The following TMEM272 variants were observed in gnomAD, a reference collection of about 807,000 sequenced individuals.
TMEM272 encodes transmembrane protein 272.
TMEM272 carries 8 observed loss-of-function variants against 3.7 expected under a neutral mutation model. That is an observed-to-expected ratio of 2.17 (90% CI 1.27 to 3.91). The LOEUF (loss-of-function observed/expected upper bound fraction) is 3.91, where lower values mean the gene tolerates loss of function less well. TMEM272 is among the 30% of genes most tolerant of loss of function. The pLI is 0.00. For synonymous variants in TMEM272, 63 were observed against 39.8 expected (o/e 1.58, Z -2.20); for missense variants, 166 against 91.5 (o/e 1.81, Z -3.32).
At chr13:51,864,311 C>T in the TMEM272 span, among the ~76,000 whole-genome samples, 1 of 152,158 alleles carries the variant, frequency 6.6e-6, no homozygotes, top group African/African-American at 2.4e-5. Flanking sequence ...CAAGTACTCA[C>T]CTAATCACAC....
chr13:51,909,117 A>G, the TMEM272 span: 1 of 1,456,390 alleles, frequency 6.9e-7, no homozygotes, highest in Non-Finnish European at 9.6e-7. Context: ...TGGAACATCA[A>G]GTGCATAAGG....
At chr13:51,894,991 A>G in the TMEM272 span, among the ~76,000 whole-genome samples, 2 of 152,028 alleles carry the variant, frequency 1.3e-5, no homozygotes, top group South Asian at 4.2e-4. Context: ...ACTGGCATGC[A>G]CAGTTCACAA....
the TMEM272 span, among the ~76,000 whole-genome samples, chr13:51,896,944 C>A: frequency 1.3e-5 from 2 of 152,206 alleles, no homozygotes; most frequent in African/African-American, 4.8e-5. Context: ...AGCACCTTGA[C>A]AGGAGTTAGT....
chr13:51,928,285 G>GT, the TMEM272 span, among the ~76,000 whole-genome samples: 1 of 152,132 alleles, frequency 6.6e-6, no homozygotes, highest in Non-Finnish European at 1.5e-5. Flanking sequence ...TTGTTTGTTT[G>GT]TTTTTTCCTA....
the TMEM272 span, among the ~76,000 whole-genome samples, chr13:51,903,233 C>G: frequency 6.6e-6 from 1 of 152,218 alleles, no homozygotes; most frequent in Admixed American, 6.5e-5. Context: ...GCAAGGTGAT[C>G]TAGAGACACT....
the TMEM272 span, chr13:51,910,062 A>G: frequency 7.8e-7 from 1 of 1,283,836 alleles, no homozygotes; most frequent in East Asian, 2.3e-5. Flanking sequence ...GGCTTCAGTT[A>G]GTAGTGATTT....
chr13:51,836,670 C>T (rs1332716796), intron 2 of TMEM272, among the ~76,000 whole-genome samples: 1 of 152,160 alleles, frequency 6.6e-6, no homozygotes, highest in Non-Finnish European at 1.5e-5. Flanking sequence ...TCCCTTGCAA[C>T]CAAGTACTGC....
the TMEM272 span, among the ~76,000 whole-genome samples, chr13:51,886,544 T>C: frequency 3.9e-5 from 6 of 152,232 alleles, no homozygotes; most frequent in East Asian, 1.2e-3. Flanking sequence ...AGTCTATCTC[T>C]AGAACCAATG....
rs1956012223 is a variant in TMEM272 at position 51,815,490 on chromosome 13, G to A, written c.*1261C>T. 6.6e-6 allele frequency: 1 copy of A among 152,502 alleles called. No homozygotes were observed. The highest frequency in any genetic ancestry group is 1.9e-4 in the East Asian group (1 of 5,188). The allele number at this position is 152,502 out of a possible 1,614,324, so 9.4% of individuals were successfully genotyped here. ...ATGAAGGGAGGTGCCTCCATTCATG[G>A]CCACTCAGGGATTGGTTTGATGAGA... On this transcript the variant is annotated 3_prime_UTR_variant, in exon 5 of 5. Coordinates refer to ENST00000629372, the MANE Select transcript of TMEM272 (RefSeq NM_001351003.2).
chr13:51,930,297 T>C, the TMEM272 span: 2 of 152,252 alleles, frequency 1.3e-5, no homozygotes, highest in South Asian at 4.1e-4. Context: ...CTCTGTTTAT[T>C]CATCTTCCTG....
At chr13:51,866,083 A>C in the TMEM272 span, 1 of 1,564,496 alleles carries the variant, frequency 6.4e-7, no homozygotes, top group Non-Finnish European at 8.6e-7. Context: ...GGGCGTAGCC[A>C]GCATGCAGGT....
chr13:51,863,672 GACACACACACAC>G, the TMEM272 span, among the ~76,000 whole-genome samples: 3 of 134,298 alleles, frequency 2.2e-5, no homozygotes, highest in Non-Finnish European at 4.9e-5. Flanking sequence ...CGCGCACACA[GACACACACACAC>G]ACACACACAC....
At chr13:51,917,854 C>G in the TMEM272 span, among the ~76,000 whole-genome samples, 1 of 152,188 alleles carries the variant, frequency 6.6e-6, no homozygotes, top group African/African-American at 2.4e-5. Context: ...CGAATTCTCA[C>G]GTCCCAAACT....
the TMEM272 span, chr13:51,865,305 G>C: frequency 7.9e-7 from 1 of 1,265,370 alleles, no homozygotes. Flanking sequence ...GATACTCATA[G>C]ATCTGTCTTT....
the TMEM272 span, among the ~76,000 whole-genome samples, chr13:51,859,457 G>C: frequency 6.7e-6 from 1 of 150,112 alleles, no homozygotes; most frequent in African/African-American, 2.5e-5. Context: ...TAAACTGCCT[G>C]CATGATCACT....
At chr13:51,908,722 G>C in the TMEM272 span, 22 of 1,473,104 alleles carry the variant, frequency 1.5e-5, no homozygotes, top group African/African-American at 4.2e-5. Context: ...AGTTCTGCTA[G>C]TCCAGAGCGT....
In TMEM272 at chr13:51,814,135, C is replaced by T. The variant is rs916924477; in HGVS notation, c.*2616G>A. ...AGGAACTTCTTACACTCACCTCCAGCTCAGTGAAATTATACTAAGAGGTGA... is the reference window on the plus strand; with the variant it reads ...AGGAACTTCTTACACTCACCTCCAGTTCAGTGAAATTATACTAAGAGGTGA... On this transcript the variant is annotated 3_prime_UTR_variant, in exon 5 of 5. Transcript: ENST00000629372. 29 of 152,296 alleles carry T rather than the reference C, an allele frequency of 1.9e-4. No individual in the cohort carries two copies. The highest frequency in any genetic ancestry group is 1.2e-3 in the Admixed American group (19 of 15,292). 9.4% of individuals were successfully genotyped at this position (152,296 alleles called of 1,614,324 possible).
intron 2 of TMEM272, among the ~76,000 whole-genome samples, chr13:51,828,359 C>T (rs1054315873): frequency 3.3e-5 from 5 of 152,230 alleles, no homozygotes; most frequent in African/African-American, 1.2e-4. Context: ...GGCTGGGAGC[C>T]TCACGTGCAC....
chr13:51,896,761 G>C, the TMEM272 span, among the ~76,000 whole-genome samples: 1 of 152,152 alleles, frequency 6.6e-6, no homozygotes, highest in African/African-American at 2.4e-5. Context: ...GGTCGGCTTG[G>C]GGGTCTGACT....
Sources: gnomAD v4.1 joint callset for allele counts (sites outside exome capture counted in the v4.1 genomes callset) on GRCh38, gnomAD v4.1.1 for gene constraint, MANE v1.5 for transcripts, NCBI Gene and HGNC (gene_info 2026-07-23, HGNC 2026-07-21) for gene names.